ANK3: variants seen among roughly 807,000 people sequenced by gnomAD.
ANK3 encodes the protein ankyrin-3.
In ANK3, 57 loss-of-function variants were observed where a neutral mutation model predicts 370.9. The ratio of observed to expected loss-of-function variants is 0.15; its 90% confidence interval spans 0.12 to 0.19. The LOEUF (loss-of-function observed/expected upper bound fraction) is 0.19, where lower values mean the gene tolerates loss of function less well. Ranked by LOEUF, ANK3 falls within the 10% of genes least tolerant of loss-of-function variation. ANK3 has a pLI of 1.00. For synonymous variants in ANK3, 1,929 were observed against 1,946.3 expected (o/e 0.99, Z 0.23); for missense variants, 4,439 against 5,302.1 (o/e 0.84, Z 5.06).
intron 1 of ANK3, among the ~76,000 whole-genome samples, chr10:60,338,848 G>T (rs2132972169): frequency 6.6e-6 from 1 of 152,300 alleles, no homozygotes; most frequent in South Asian, 2.1e-4. Flanking sequence ...TGATGAAAAT[G>T]CAATCTACTC....
At chr10:60,604,688 A>G (rs1253736377) in intron 2 of ANK3, among the ~76,000 whole-genome samples, 1 of 152,188 alleles carries the variant, frequency 6.6e-6, no homozygotes, top group African/African-American at 2.4e-5. Flanking sequence ...GGAAAATAGA[A>G]TAATGCTTTG....
intron 28 of ANK3, among the ~76,000 whole-genome samples, chr10:60,096,396 C>T (rs911304187): frequency 2.6e-5 from 4 of 152,160 alleles, no homozygotes; most frequent in Non-Finnish European, 5.9e-5. Context: ...CCATCCTATA[C>T]ATTACAGAAA....
At chr10:60,123,646 C>T (rs1166026392) in intron 25 of ANK3, among the ~76,000 whole-genome samples, 1 of 152,198 alleles carries the variant, frequency 6.6e-6, no homozygotes, top group African/African-American at 2.4e-5. Flanking sequence ...ACAGCTCTAC[C>T]ATCTATGGGT....
At chr10:60,292,094 C>G (rs929124876) in intron 1 of ANK3, among the ~76,000 whole-genome samples, 11 of 152,116 alleles carry the variant, frequency 7.2e-5, no homozygotes, top group Admixed American at 2.6e-4. Context: ...ATGAGTTTGC[C>G]TTTACTTGGG....
intron 7 of ANK3, among the ~76,000 whole-genome samples, chr10:60,248,226 T>C (rs951738309): frequency 5.9e-5 from 9 of 152,192 alleles, no homozygotes; most frequent in Non-Finnish European, 1.2e-4. Flanking sequence ...ACGTTAACTG[T>C]ATTAACTTTC....
In ANK3 at chr10:60,242,861, T is replaced by C. The variant is rs1477388528; in HGVS notation, c.799-8075A>G. Among the ~76,000 whole-genome samples the C allele has an allele frequency of 2.6e-5, 4 of 152,128 alleles. No homozygotes were observed. The South Asian group carries it at 6.2e-4, about 24-fold the overall frequency. Reference sequence around the variant, plus strand: ...TTACAGATGAGGAAATCTGTGAAAATCTGAAAAATTTGATTTTTTGAAGAC... The same window carrying C: ...TTACAGATGAGGAAATCTGTGAAAACCTGAAAAATTTGATTTTTTGAAGAC... On this transcript the variant is annotated intron_variant, in intron 7 of 43. Coordinates refer to ENST00000280772, the MANE Select transcript of ANK3 (RefSeq NM_020987.5).
intron 2 of ANK3, among the ~76,000 whole-genome samples, chr10:60,511,668 A>G (rs1220495050): frequency 6.6e-6 from 1 of 152,130 alleles, no homozygotes; most frequent in Admixed American, 6.6e-5. Flanking sequence ...ACACACATTA[A>G]GAGACAAGAC....
chr10:60,640,554 T>C (rs1385515135), intron 1 of ANK3, among the ~76,000 whole-genome samples: 2 of 100,206 alleles, frequency 2.0e-5, no homozygotes, highest in Admixed American at 2.3e-4. Context: ...ATTATCTCAA[T>C]AGATGCAGAA....
chr10:60,567,254 T>C lies in ANK3; in HGVS notation c.96+47932A>G, dbSNP rs115863798. Among the ~76,000 whole-genome samples the C allele has an allele frequency of 2.2e-3, 338 of 152,284 alleles. 3 individuals carry two copies. Among genetic ancestry groups the C allele is most frequent in the African/African-American group, 7.6e-3 (316 of 41,570 alleles). ...CTAGCTTCAAAGGACAGGCTGACTT[T>C]CTTGTTAGGTGCTAATGTAGCTAGT... is the stretch of plus-strand genomic sequence containing the variant. On this transcript the variant is annotated intron_variant, in intron 2 of 43. Transcript: ENST00000373827.
intron 1 of ANK3, among the ~76,000 whole-genome samples, chr10:60,645,876 C>T (rs191608426): frequency 1.3e-5 from 2 of 152,300 alleles, no homozygotes; most frequent in African/African-American, 2.4e-5. Flanking sequence ...CAGGTAGTAA[C>T]AGTCTCCCTT....
At chr10:60,532,354 A>G (rs2076624927) in intron 2 of ANK3, among the ~76,000 whole-genome samples, 1 of 152,108 alleles carries the variant, frequency 6.6e-6, no homozygotes, top group Non-Finnish European at 1.5e-5. Flanking sequence ...TGTACCTCCC[A>G]GGACCTGGTA....
intron 8 of ANK3, among the ~76,000 whole-genome samples, chr10:60,226,908 A>G (rs2132510477): frequency 6.6e-6 from 1 of 151,300 alleles, no homozygotes; most frequent in South Asian, 2.1e-4. Flanking sequence ...ACCTCACAAT[A>G]GATTGATATT....
intron 1 of ANK3, among the ~76,000 whole-genome samples, chr10:60,384,812 G>C (rs1051264633): frequency 1.3e-5 from 2 of 152,132 alleles, no homozygotes; most frequent in Admixed American, 6.5e-5. Context: ...TCCCCTTCAA[G>C]CCAGGAACTT....
chr10:60,402,058 C>T (rs1029261964), intron 2 of ANK3, among the ~76,000 whole-genome samples: 15 of 152,118 alleles, frequency 9.9e-5, no homozygotes, highest in African/African-American at 3.1e-4. Flanking sequence ...ATTATCTATG[C>T]TATGTTTCAT....
chr10:60,181,484 C>A, intron 17 of ANK3, 57 bp from the exon 18 acceptor site: 1 of 1,484,880 alleles, frequency 6.7e-7, no homozygotes, highest in Non-Finnish European at 9.4e-7. Flanking sequence ...ACACACATAG[C>A]CATGTTTGAG....
At chr10:60,032,830 G>A (rs1564509872) in intron 43 of ANK3, among the ~76,000 whole-genome samples, 1 of 152,050 alleles carries the variant, frequency 6.6e-6, no homozygotes, top group African/African-American at 2.4e-5. Context: ...ACCACACTGG[G>A]TACAGGAAGG....
intron 1 of ANK3, among the ~76,000 whole-genome samples, chr10:60,673,350 ATT>A (rs5785461): frequency 6.7e-5 from 10 of 149,476 alleles, no homozygotes; most frequent in African/African-American, 2.5e-4. Flanking sequence ...TTCAGACAAG[ATT>A]TTTTTTTTTC....
At chr10:60,571,036 A>G (rs1429347893) in intron 2 of ANK3, among the ~76,000 whole-genome samples, 1 of 149,134 alleles carries the variant, frequency 6.7e-6, no homozygotes, top group African/African-American at 2.5e-5. Flanking sequence ...TATCTTATAA[A>G]CATGAGCAAA....
At chr10:60,430,326 T>C (rs1024472584) in intron 2 of ANK3, among the ~76,000 whole-genome samples, 1 of 151,780 alleles carries the variant, frequency 6.6e-6, no homozygotes, top group Admixed American at 6.6e-5. Flanking sequence ...ATATCTGCCT[T>C]CAAATAGTCC....
Sources: gnomAD v4.1 joint callset for allele counts (sites outside exome capture counted in the v4.1 genomes callset) on GRCh38, gnomAD v4.1.1 for gene constraint, MANE v1.5 for transcripts, NCBI Gene and HGNC (gene_info 2026-07-23, HGNC 2026-07-21) for gene names.